Variants in ADGRB3 observed in about 807,000 individuals in gnomAD.
ADGRB3 encodes the protein brain-specific angiogenesis inhibitor 3.
A neutral mutation model predicts 193.4 loss-of-function variants in ADGRB3; 37 were observed. That is an observed-to-expected ratio of 0.19 (90% confidence interval 0.15 to 0.25). The LOEUF (loss-of-function observed/expected upper bound fraction) is 0.25. Ranked by LOEUF, ADGRB3 falls within the 10% of genes least tolerant of loss-of-function variation. The pLI is 1.00. For synonymous variants in ADGRB3, 690 were observed against 644.2 expected (o/e 1.07, Z -1.08); for missense variants, 1,637 against 1,852.9 (o/e 0.88, Z 2.14).
intron 26 of ADGRB3, among the ~76,000 whole-genome samples, chr6:69,344,597 G>A (rs1769045926): frequency 6.6e-6 from 1 of 152,148 alleles, no homozygotes; most frequent in Non-Finnish European, 1.5e-5. Context: ...ACAACAATAT[G>A]TAAAGGGTCC....
At chr6:69,175,298 CTTGAGTCGAT>C (rs1229889967) in intron 17 of ADGRB3, among the ~76,000 whole-genome samples, 1 of 152,156 alleles carries the variant, frequency 6.6e-6, no homozygotes, top group African/African-American at 2.4e-5. Flanking sequence ...TTTAACCCAT[CTTGAGTCGAT>C]TTTTGTATAT....
intron 3 of ADGRB3, among the ~76,000 whole-genome samples, chr6:68,655,628 T>A (rs1156641200): frequency 6.6e-6 from 1 of 151,732 alleles, no homozygotes; most frequent in Non-Finnish European, 1.5e-5. Context: ...CTCTGAATAC[T>A]CATGCACATG....
At chr6:68,983,187 T>C (rs1048454799) in intron 10 of ADGRB3, among the ~76,000 whole-genome samples, 1 of 152,100 alleles carries the variant, frequency 6.6e-6, no homozygotes, top group Non-Finnish European at 1.5e-5. Flanking sequence ...AAGCCTAATA[T>C]GTATATGAAA....
At chr6:69,239,290 G>T in intron 20 of ADGRB3, 64 bp downstream of exon 20, 1 of 1,123,864 alleles carries the variant, frequency 8.9e-7, no homozygotes, top group Non-Finnish European at 1.3e-6. Context: ...GTTAGTTATT[G>T]ATAATCTAAA....
intron 10 of ADGRB3, among the ~76,000 whole-genome samples, chr6:68,987,009 G>A (rs540244523): frequency 6.6e-6 from 1 of 152,154 alleles, no homozygotes; most frequent in South Asian, 2.1e-4. Flanking sequence ...CCAGAACTCT[G>A]AAGAGCAACT....
chr6:69,173,244 G>A (rs1225460667), intron 17 of ADGRB3, among the ~76,000 whole-genome samples: 7 of 152,136 alleles, frequency 4.6e-5, no homozygotes, highest in Non-Finnish European at 1.0e-4. Flanking sequence ...CACCATGTTG[G>A]CCAGGTTGGT....
intron 3 of ADGRB3, among the ~76,000 whole-genome samples, chr6:68,790,105 CCTGTAG>C (rs1366747840): frequency 6.6e-6 from 1 of 152,116 alleles, no homozygotes; most frequent in Non-Finnish European, 1.5e-5. Context: ...CGAATTTCCT[CCTGTAG>C]CTCAGAGTAG....
At chr6:69,211,201 C>A (rs1359386877) in intron 17 of ADGRB3, among the ~76,000 whole-genome samples, 1 of 152,190 alleles carries the variant, frequency 6.6e-6, no homozygotes, top group East Asian at 1.9e-4. Context: ...AGAAAGTTCT[C>A]TTTGTTTTAT....
At chr6:68,776,670 G>A (rs933867861) in intron 3 of ADGRB3, among the ~76,000 whole-genome samples, 3 of 152,034 alleles carry the variant, frequency 2.0e-5, no homozygotes, top group Admixed American at 6.6e-5. Context: ...GAGTCTAAAC[G>A]GAGCTAGCAT....
At chr6:69,062,857 C>T in intron 15 of ADGRB3, 77 bp from the exon 16 acceptor site, 1 of 1,030,786 alleles carries the variant, frequency 9.7e-7, no homozygotes, top group Non-Finnish European at 1.4e-6. Flanking sequence ...TGAAACCATC[C>T]CAAAATGTAT....
At chr6:69,064,645 G>GAC (rs1771847454) in intron 16 of ADGRB3, among the ~76,000 whole-genome samples, 1 of 151,612 alleles carries the variant, frequency 6.6e-6, no homozygotes, top group African/African-American at 2.4e-5. Flanking sequence ...TGTAGTAAGA[G>GAC]ATTAATTCTC....
intron 30 of ADGRB3, among the ~76,000 whole-genome samples, chr6:69,381,090 T>C (rs1041725031): frequency 3.3e-5 from 5 of 151,894 alleles, no homozygotes; most frequent in African/African-American, 1.2e-4. Context: ...AACCTGGTAC[T>C]GCATGAAAGT....
intron 17 of ADGRB3, among the ~76,000 whole-genome samples, chr6:69,204,705 A>G (rs2150358974): frequency 6.6e-6 from 1 of 152,264 alleles, no homozygotes; most frequent in East Asian, 1.9e-4. Context: ...TTTATCTAGA[A>G]ATTAAAAGAA....
intron 20 of ADGRB3, among the ~76,000 whole-genome samples, chr6:69,242,344 A>T (rs1194517106): frequency 6.6e-6 from 1 of 151,796 alleles, no homozygotes; most frequent in African/African-American, 2.4e-5. Context: ...TGTATCTTTG[A>T]CTTCCCTGAT....
At chr6:68,829,128 C>G (rs978452317) in intron 3 of ADGRB3, among the ~76,000 whole-genome samples, 3 of 103,606 alleles carry the variant, frequency 2.9e-5, no homozygotes, top group Admixed American at 2.9e-4. Context: ...GAGATGGTGT[C>G]TTGCTCTGTT....
intron 3 of ADGRB3, among the ~76,000 whole-genome samples, chr6:68,794,637 C>T (rs1014438369): frequency 5.3e-5 from 8 of 152,060 alleles, no homozygotes; most frequent in African/African-American, 1.9e-4. Context: ...TGACAATTAC[C>T]ACCTTTACAA....
intron 3 of ADGRB3, among the ~76,000 whole-genome samples, chr6:68,709,233 G>C (rs765197755): frequency 1.7e-4 from 26 of 152,288 alleles, no homozygotes; most frequent in Middle Eastern, 3.4e-3. Context: ...CTATTTAATA[G>C]CGAATAGCTT....
At chr6:68,750,947 C>T (rs1478429074) in intron 3 of ADGRB3, among the ~76,000 whole-genome samples, 3 of 152,196 alleles carry the variant, frequency 2.0e-5, no homozygotes, top group African/African-American at 7.2e-5. Flanking sequence ...GGAGATCTTA[C>T]CTTTTTTGCC....
intron 13 of ADGRB3, among the ~76,000 whole-genome samples, chr6:69,029,616 T>G (rs1770562808): frequency 6.6e-6 from 1 of 152,188 alleles, no homozygotes; most frequent in Non-Finnish European, 1.5e-5. Context: ...AAAAGCTGAC[T>G]TCTGCTGTAG....
Sources: allele counts gnomAD v4.1 joint callset (sites outside exome capture counted in the v4.1 genomes callset), GRCh38; gene constraint gnomAD v4.1.1; transcripts MANE v1.5; gene names NCBI Gene and HGNC (gene_info 2026-07-23, HGNC 2026-07-21).